ZNF536: variants seen among roughly 807,000 people sequenced by gnomAD.
ZNF536 encodes the protein zinc finger protein 536.
A neutral mutation model predicts 84.5 loss-of-function variants in ZNF536; 13 were observed. The ratio of observed to expected loss-of-function variants is 0.15; its 90% CI spans 0.10 to 0.24. ZNF536 has a LOEUF of 0.24. ZNF536 is among the 10% of genes least tolerant of loss of function. The pLI is 1.00. For synonymous variants in ZNF536, 811 were observed against 742.5 expected (o/e 1.09, Z -1.50); for missense variants, 1,536 against 1,747.5 (o/e 0.88, Z 2.16).
At position 30,311,303 on chromosome 19, in the gene ZNF536, G is replaced by A. The variant is rs376226849; in HGVS notation, c.-120+27162G>A. 1.2e-4 allele frequency among the ~76,000 whole-genome samples: 19 copies of A among 152,294 alleles called. No homozygotes were observed. In the East Asian group the frequency reaches 2.7e-3, roughly 22 times the overall value. On this transcript the variant is annotated intron_variant, in intron 2 of 5. Coordinates refer to the ZNF536 transcript ENST00000585628. ...TATAAGGGCCCTGCACCCCAAAAAG[G>A]CAGGTGCCCTTTTGCCACCCCTGTG...
intron 1 of ZNF536, among the ~76,000 whole-genome samples, chr19:30,673,653 C>T (rs1240802916): frequency 1.3e-5 from 2 of 152,148 alleles, no homozygotes; most frequent in African/African-American, 4.8e-5. Context: ...CTGCAGTGCC[C>T]CTAAGCCTGC....
intron 3 of ZNF536, among the ~76,000 whole-genome samples, chr19:30,545,795 C>T (rs537025358): frequency 3.3e-5 from 5 of 152,174 alleles, no homozygotes; most frequent in Non-Finnish European, 5.9e-5. Flanking sequence ...CTCCACATTC[C>T]CAGGCTTGAG....
At chr19:30,229,253 G>A (rs924122648) in intron 1 of ZNF536, among the ~76,000 whole-genome samples, 1 of 151,966 alleles carries the variant, frequency 6.6e-6, no homozygotes, top group Non-Finnish European at 1.5e-5. Context: ...TTGCTTGAAG[G>A]AGAGTGCAGA....
At chr19:30,707,152 G>A (rs2052274689) in intron 1 of ZNF536, among the ~76,000 whole-genome samples, 1 of 152,100 alleles carries the variant, frequency 6.6e-6, no homozygotes, top group African/African-American at 2.4e-5. Flanking sequence ...TTGTCTCTAA[G>A]ATGCTTGGCC....
chr19:30,412,125 G>C (rs1437468444), intron 1 of ZNF536, among the ~76,000 whole-genome samples: 1 of 151,764 alleles, frequency 6.6e-6, no homozygotes, highest in Non-Finnish European at 1.5e-5. Context: ...AGTACTAACA[G>C]TTTCATACTT....
chr19:30,229,922 C>G (rs975900407), intron 1 of ZNF536, among the ~76,000 whole-genome samples: 1 of 152,144 alleles, frequency 6.6e-6, no homozygotes, highest in African/African-American at 2.4e-5. Context: ...ATGACAGGCC[C>G]CTGGGCTGAG....
At chr19:30,365,153 A>G (rs547182784) in intron 3 of ZNF536, among the ~76,000 whole-genome samples, 2 of 152,378 alleles carry the variant, frequency 1.3e-5, no homozygotes, top group African/African-American at 2.4e-5. Context: ...TACTCAGGGT[A>G]TAAATAGAGT....
At chr19:30,710,237 G>A (rs1035221491) in intron 1 of ZNF536, among the ~76,000 whole-genome samples, 2 of 152,250 alleles carry the variant, frequency 1.3e-5, no homozygotes, top group Middle Eastern at 3.4e-3. Flanking sequence ...TACCTAGAAA[G>A]TCTGGGTTCA....
chr19:30,304,771 G>A (rs1368255334), intron 2 of ZNF536, among the ~76,000 whole-genome samples: 1 of 152,202 alleles, frequency 6.6e-6, no homozygotes, highest in Non-Finnish European at 1.5e-5. Context: ...TCACAGAACT[G>A]CCCCACGTGG....
intron 2 of ZNF536, among the ~76,000 whole-genome samples, chr19:30,513,106 C>T (rs2055486150): frequency 6.6e-6 from 1 of 151,972 alleles, no homozygotes; most frequent in African/African-American, 2.4e-5. Context: ...ACACGTGACA[C>T]ATTAGAATAA....
chr19:30,644,455 T>C (rs1462571422), intron 1 of ZNF536, among the ~76,000 whole-genome samples: 1 of 152,104 alleles, frequency 6.6e-6, no homozygotes, highest in Non-Finnish European at 1.5e-5. Context: ...CATGCTGGTG[T>C]GCTGCACCCA....
intron 1 of ZNF536, among the ~76,000 whole-genome samples, chr19:30,576,335 G>A (rs760836683): frequency 9.2e-5 from 14 of 152,152 alleles, no homozygotes; most frequent in Non-Finnish European, 1.6e-4. Context: ...CCAAGCCTGC[G>A]TCTCCCGCTC....
chr19:30,526,287 C>G (rs1331337440), intron 2 of ZNF536, among the ~76,000 whole-genome samples: 1 of 152,254 alleles, frequency 6.6e-6, no homozygotes, highest in Non-Finnish European at 1.5e-5. Context: ...CCCATAGCCA[C>G]CCCTTGGGGC....
At chr19:30,447,510 T>G (rs545882252) in intron 2 of ZNF536, among the ~76,000 whole-genome samples, 189 of 152,290 alleles carry the variant, frequency 1.2e-3, no homozygotes, top group African/African-American at 4.3e-3. Flanking sequence ...TGTTTGGGAT[T>G]TATTACGGAT....
At chr19:30,615,721 G>A (rs1239595930) in intron 1 of ZNF536, among the ~76,000 whole-genome samples, 1 of 152,126 alleles carries the variant, frequency 6.6e-6, no homozygotes, top group Non-Finnish European at 1.5e-5. Context: ...AGATTTATAG[G>A]AAGAATTAAT....
intron 1 of ZNF536, among the ~76,000 whole-genome samples, chr19:30,671,983 G>A (rs2050574444): frequency 6.6e-6 from 1 of 152,302 alleles, no homozygotes; most frequent in East Asian, 1.9e-4. Flanking sequence ...TTTACGGAGC[G>A]TGGTCACCGC....
At chr19:30,473,082 T>C (rs1348774804) in intron 2 of ZNF536, among the ~76,000 whole-genome samples, 1 of 150,402 alleles carries the variant, frequency 6.6e-6, no homozygotes, top group Non-Finnish European at 1.5e-5. Context: ...GGCACACACC[T>C]ATAGTTCCTG....
intron 2 of ZNF536, among the ~76,000 whole-genome samples, chr19:30,288,528 A>G (rs748253273): frequency 1.3e-5 from 2 of 152,198 alleles, no homozygotes; most frequent in African/African-American, 2.4e-5. Flanking sequence ...CTATAGTACC[A>G]TGGACATCAT....
chr19:30,516,868 A>G (rs1365723379), intron 2 of ZNF536, among the ~76,000 whole-genome samples: 1 of 152,170 alleles, frequency 6.6e-6, no homozygotes, highest in Non-Finnish European at 1.5e-5. Context: ...AAACGCTTGA[A>G]AGGCAGGGAG....
Sources: gnomAD v4.1 joint callset for allele counts (sites outside exome capture counted in the v4.1 genomes callset) on GRCh38, gnomAD v4.1.1 for gene constraint, MANE v1.5 for transcripts, NCBI Gene and HGNC (gene_info 2026-07-23, HGNC 2026-07-21) for gene names.